Variants in ZNF462 observed in about 807,000 individuals in gnomAD.
ZNF462 encodes the protein zinc finger protein 462, also known as zinc finger PBX1-interacting protein.
A neutral mutation model predicts 201.9 loss-of-function variants in ZNF462; 10 were observed. The observed-to-expected ratio is 0.05, with a 90% CI of 0.03 to 0.08. ZNF462 has a LOEUF of 0.08. Among genes scored for constraint, ZNF462 ranks in the 10% least tolerant of loss-of-function variants. The pLI is 1.00. For synonymous variants in ZNF462, 1,227 were observed against 1,193.3 expected (o/e 1.03, Z -0.58); for missense variants, 2,523 against 3,168.3 (o/e 0.80, Z 4.89).
intron 9 of ZNF462, among the ~76,000 whole-genome samples, chr9:106,983,005 A>G (rs1246769842): frequency 6.6e-6 from 1 of 152,224 alleles, no homozygotes; most frequent in Non-Finnish European, 1.5e-5. Context: ...TAATATAAGT[A>G]TATGTTGTGT....
Position 106,954,386 on chromosome 9 carries a change from G to A in ZNF462, c.6427+15279G>A, listed in dbSNP as rs1225094785. ...TCACTTACTGTCACAAGAATAGCAT[G>A]GAGGAAACTGTCCCCATGATCCAGT... On this transcript the variant is annotated intron_variant, in intron 7 of 12. Transcript: ENST00000277225. This position sits in a 1 kb window ranked among gnomAD's most constrained non-coding sequence, Gnocchi z 4.0. Among the ~76,000 whole-genome samples, 8 of 151,998 alleles carry A rather than the reference G, an allele frequency of 5.3e-5. No homozygotes were observed. The highest frequency in any genetic ancestry group is 8.8e-5 in the Non-Finnish European group (6 of 68,006).
intron 1 of ZNF462, among the ~76,000 whole-genome samples, chr9:106,910,208 G>T (rs1261143916): frequency 1.3e-5 from 2 of 151,858 alleles, no homozygotes; most frequent in Non-Finnish European, 2.9e-5. Context: ...ATCTTGTGCT[G>T]ATGTCTTGTC....
In ZNF462 at chr9:106,880,233, CTCTTCAGAT is replaced by C. The variant is rs1828031368; in HGVS notation, c.-31+16879_-31+16887del. On this transcript the variant is annotated intron_variant, in intron 1 of 12. Transcript: ENST00000277225. The surrounding 1 kb of genome is among the most constrained non-coding windows in gnomAD (Gnocchi z 4.1). ...TCAGTGGAAGCACTGCAAAGCCTGA[CTCTTCAGAT>C]ATTCCCGAATGCTGAAATCTTCTCT... 6.6e-6 allele frequency among the ~76,000 whole-genome samples: 1 copy of C among 152,198 alleles called. No individual in the cohort carries two copies. The highest frequency in any genetic ancestry group is 2.4e-5 in the African/African-American group (1 of 41,440).
At chr9:106,892,692 GCACA>G (rs897679641) in intron 1 of ZNF462, among the ~76,000 whole-genome samples, 8 of 140,052 alleles carry the variant, frequency 5.7e-5, no homozygotes, top group East Asian at 2.0e-4. Flanking sequence ...ACACACACAT[GCACA>G]CACACACGCA....
At position 106,932,748 on chromosome 9, in the gene ZNF462, G is replaced by A. The variant is rs1043184655; in HGVS notation, c.6116+199G>A. Reference sequence around the variant, plus strand: ...AGATTGATCGGATGGCGTTAGATTTGGCAAATGCAGGCATTTTAAAAATGA... The same window carrying A: ...AGATTGATCGGATGGCGTTAGATTTAGCAAATGCAGGCATTTTAAAAATGA... On this transcript the variant is annotated intron_variant, in intron 5 of 12. Coordinates refer to ENST00000277225, the MANE Select transcript of ZNF462 (RefSeq NM_021224.6). The surrounding 1 kb of genome is among the most constrained non-coding windows in gnomAD (Gnocchi z 6.8). 3 of 646,812 alleles carry A rather than the reference G, an allele frequency of 4.6e-6. No homozygotes were observed. Among genetic ancestry groups the A allele is most frequent in the African/African-American group, 3.7e-5 (2 of 54,774 alleles). The allele number at this position is 646,812 out of a possible 1,614,324, so 40.1% of individuals were successfully genotyped here.
At chr9:106,960,128 T>C (rs1831763132) in intron 7 of ZNF462, among the ~76,000 whole-genome samples, 1 of 152,144 alleles carries the variant, frequency 6.6e-6, no homozygotes, top group Non-Finnish European at 1.5e-5. Context: ...ATTCTTGTTC[T>C]TGATCAACCA....
intron 4 of ZNF462, among the ~76,000 whole-genome samples, chr9:106,931,243 C>T (rs1830411262): frequency 6.6e-6 from 1 of 152,174 alleles, no homozygotes; most frequent in Admixed American, 6.5e-5. Flanking sequence ...TCCCCTCTCC[C>T]ATATGATGCT....
intron 1 of ZNF462, among the ~76,000 whole-genome samples, chr9:106,909,743 T>C (rs904496415): frequency 2.0e-5 from 3 of 152,230 alleles, no homozygotes; most frequent in Admixed American, 6.5e-5. Flanking sequence ...TTTTCTGTTA[T>C]AATTGACTAA....
At position 106,974,118 on chromosome 9, in the gene ZNF462, C is replaced by T. The variant is rs757871452; in HGVS notation, c.6696-19C>T. On this transcript the variant is annotated intron_variant, in intron 8 of 12. Transcript: ENST00000277225. The surrounding 1 kb of genome is among the most constrained non-coding windows in gnomAD (Gnocchi z 4.0). Reference sequence around the variant, plus strand: ...TCCCTGGTTACACGCATCACCTCTCCTCCCAAACTCTCTCCTAGATCTGCT... The same window carrying T: ...TCCCTGGTTACACGCATCACCTCTCTTCCCAAACTCTCTCCTAGATCTGCT... 6.2e-7 allele frequency: 1 copy of T among 1,613,872 alleles called. No individual in the cohort carries two copies. The highest frequency in any genetic ancestry group is 1.7e-5 in the Admixed American group (1 of 60,010).
chr9:106,994,784 G>A (rs1482599927), intron 10 of ZNF462, among the ~76,000 whole-genome samples: 1 of 152,092 alleles, frequency 6.6e-6, no homozygotes, highest in African/African-American at 2.4e-5. Flanking sequence ...GACATTTGAA[G>A]ATGTTCTTTA....
In ZNF462 at chr9:106,966,658, A is replaced by G. The variant is rs1832084578; in HGVS notation, c.6428-5347A>G. On this transcript the variant is annotated intron_variant, in intron 7 of 12. Coordinates refer to ENST00000277225, the MANE Select transcript of ZNF462 (RefSeq NM_021224.6). The surrounding 1 kb of genome is among the most constrained non-coding windows in gnomAD (Gnocchi z 4.4). ...CTGAGAAAGTGAGTTGCTTGAGGTC[A>G]AGGCTCAAGTCTTACTGTCCCAGAA... is the stretch of plus-strand genomic sequence containing the variant. Among the ~76,000 whole-genome samples, 1 of 152,144 alleles carries G rather than the reference A, an allele frequency of 6.6e-6. No individual in the cohort carries two copies. Among genetic ancestry groups the G allele is most frequent in the African/African-American group, 2.4e-5 (1 of 41,444 alleles).
intron 10 of ZNF462, among the ~76,000 whole-genome samples, chr9:107,002,064 A>G (rs1829226978): frequency 6.6e-6 from 1 of 152,166 alleles, no homozygotes; most frequent in Non-Finnish European, 1.5e-5. Flanking sequence ...TCTGCCAGGC[A>G]CATGGAATTG....
rs1829526782 is a variant in ZNF462, at chr9:107,006,140, T to G, written c.7189+2714T>G. 6.6e-6 allele frequency among the ~76,000 whole-genome samples: 1 copy of G among 152,114 alleles called. No homozygotes were observed. The highest frequency in any genetic ancestry group is 6.5e-5 in the Admixed American group (1 of 15,272). On this transcript the variant is annotated intron_variant, in intron 11 of 12. Coordinates refer to ENST00000277225, the MANE Select transcript of ZNF462 (RefSeq NM_021224.6). The surrounding 1 kb of genome is among the most constrained non-coding windows in gnomAD (Gnocchi z 4.3). ...GGTGGTGCCTCCAACTTCGTTCTGT[T>G]TGTTTAAGATTTCTTTGGCTATCCA...
chr9:106,907,445 TA>T (rs140591769), intron 1 of ZNF462, among the ~76,000 whole-genome samples: 30,846 of 152,014 alleles, frequency 0.2, 3,759 homozygotes, highest in African/African-American at 0.35. Flanking sequence ...CTTCTTGGAT[TA>T]ATTTTGGTAA....
chr9:106,874,229 A>G (rs1232467890), intron 1 of ZNF462, among the ~76,000 whole-genome samples: 1 of 152,124 alleles, frequency 6.6e-6, no homozygotes, highest in Non-Finnish European at 1.5e-5. Context: ...AGGAATAGGG[A>G]CTCCATTCAG....
rs80286428 is a variant in ZNF462 at position 106,920,588 on chromosome 9, G to A, written c.-30-2766G>A. Among the ~76,000 whole-genome samples the A allele has an allele frequency of 0.13, 20,133 of 152,166 alleles. 1,423 individuals are homozygous for A. Among genetic ancestry groups the A allele is most frequent in the East Asian group, 0.24 (1,235 of 5,164 alleles). ...CAACATTAAAGCTAGAACCCATTAG[G>A]AAATCACTTTCATCATCTCTTCTTT... On this transcript the variant is annotated intron_variant, in intron 1 of 12. Transcript: ENST00000277225. The surrounding 1 kb of genome is among the most constrained non-coding windows in gnomAD (Gnocchi z 4.3).
At chr9:106,949,043 C>CA (rs1474904605) in intron 7 of ZNF462, among the ~76,000 whole-genome samples, 2 of 152,226 alleles carry the variant, frequency 1.3e-5, no homozygotes, top group East Asian at 3.9e-4. Context: ...TATTGGTGAA[C>CA]AGTTCTTAAA....
chr9:106,928,688 A>G lies in ZNF462; in HGVS notation c.4776A>G (p.Leu1592=), dbSNP rs1270456460. The change falls in exon 3 of 13, where the codon CTA becomes CTG. Residue 1592 remains leucine, a synonymous_variant. Transcript: ENST00000277225. The surrounding 1 kb of genome is among the most constrained non-coding windows in gnomAD (Gnocchi z 9.3). ...CPYTHGTLEK[L]KIHYEKYHNQ... is the part of the protein sequence containing the mutation. The stretch of plus-strand genomic sequence containing the variant: ...ACACACACGGCACTTTGGAGAAACT[A>G]AAAATCCACTACGAGAAGTATCACA... 1 of 1,614,030 alleles carries G rather than the reference A, an allele frequency of 6.2e-7. No homozygotes were observed. The highest frequency in any genetic ancestry group is 1.7e-5 in the Admixed American group (1 of 60,000).
chr9:106,903,058 G>A (rs1042933527), intron 1 of ZNF462, among the ~76,000 whole-genome samples: 1 of 152,018 alleles, frequency 6.6e-6, no homozygotes, highest in African/African-American at 2.4e-5. Context: ...TTTTGATGTA[G>A]ATGTAGGCAT....
Sources: gnomAD v4.1 joint callset for allele counts (sites outside exome capture counted in the v4.1 genomes callset) on GRCh38, gnomAD v4.1.1 for gene constraint, Gnocchi (gnomAD v3.1) non-coding constraint, MANE v1.5 for transcripts, NCBI Gene and HGNC (gene_info 2026-07-23, HGNC 2026-07-21) for gene names.